The following ACVR2A variants were observed in gnomAD, a reference collection of about 807,000 sequenced individuals.
The protein encoded by ACVR2A is activin A receptor type 2A, also known as activin receptor type-2A.
Under a neutral mutation model 61.4 loss-of-function variants are expected in ACVR2A, and 7 were observed. The observed-to-expected ratio is 0.11, with a 90% CI of 0.06 to 0.21. The LOEUF is 0.21. Among genes scored for constraint, ACVR2A ranks in the 10% least tolerant of loss-of-function variants. The pLI is 1.00. For missense variants in ACVR2A, 322 were observed against 621.7 expected, an observed-to-expected ratio of 0.52 and a Z score of 5.13; for synonymous variants, 193 against 208.3, an observed-to-expected ratio of 0.93 and a Z score of 0.63.
intron 4 of ACVR2A, among the ~76,000 whole-genome samples, chr2:147,903,208 AT>A (rs1686911298): frequency 6.6e-6 from 1 of 151,218 alleles, no homozygotes; most frequent in Non-Finnish European, 1.5e-5. Context: ...TCTAGAATAA[AT>A]TTAGCACAGT....
At chr2:147,863,462 A>G (rs1685776143) in intron 1 of ACVR2A, among the ~76,000 whole-genome samples, 1 of 152,230 alleles carries the variant, frequency 6.6e-6, no homozygotes, top group Non-Finnish European at 1.5e-5. Context: ...GAAGTTAACT[A>G]ATAATACCCT....
chr2:147,845,855 A>G (rs968537287), intron 1 of ACVR2A, among the ~76,000 whole-genome samples: 6 of 152,188 alleles, frequency 3.9e-5, no homozygotes, highest in Admixed American at 6.5e-5. Flanking sequence ...CTGGCGTTCA[A>G]CCACCATTTG....
intron 1 of ACVR2A, among the ~76,000 whole-genome samples, chr2:147,858,876 C>T (rs1036824939): frequency 1.3e-5 from 2 of 151,952 alleles, no homozygotes; most frequent in Non-Finnish European, 2.9e-5. Context: ...TCATGTGTCA[C>T]AGAGTATTAT....
At chr2:147,851,814 A>G (rs558923998) in intron 1 of ACVR2A, among the ~76,000 whole-genome samples, 1 of 152,142 alleles carries the variant, frequency 6.6e-6, no homozygotes, top group South Asian at 2.1e-4. Flanking sequence ...CTTTATCCAC[A>G]CACCCATTCC....
chr2:147,861,682 C>G (rs1293526421), intron 1 of ACVR2A, among the ~76,000 whole-genome samples: 3 of 151,806 alleles, frequency 2.0e-5, no homozygotes. Flanking sequence ...TATTTGAAAT[C>G]CGAAAAAAAA....
In ACVR2A at chr2:147,920,217, T is replaced by C. The variant is rs1687346769; in HGVS notation, c.963-13T>C. On this transcript the variant is annotated splice_polypyrimidine_tract_variant and intron_variant, in intron 7 of 10. Coordinates refer to ENST00000241416, the MANE Select transcript of ACVR2A (RefSeq NM_001616.5). ...AGTTTAAACTTAATTTGAATACTCT[T>C]TTTATTTGCAAGGGACATCAAAAGT... The C allele has an allele frequency of 6.3e-7, 1 of 1,590,778 alleles. No homozygotes were observed. Among genetic ancestry groups the C allele is most frequent in the Non-Finnish European group, 8.6e-7 (1 of 1,161,134 alleles).
At position 147,905,234 on chromosome 2, in the gene ACVR2A, A is replaced by G. The variant is rs541051202; in HGVS notation, c.528+5336A>G. 6.3e-4 allele frequency among the ~76,000 whole-genome samples: 96 copies of G among 152,188 alleles called. 2 individuals carry two copies. Among genetic ancestry groups the G allele is most frequent in the Admixed American group, 8.5e-4 (13 of 15,268 alleles). Reference sequence around the variant, plus strand: ...ATATGTTTTCTTTTTTATAAACTATAAACTATTCCACAACTGGCTTATTTT... The same window carrying G: ...ATATGTTTTCTTTTTTATAAACTATGAACTATTCCACAACTGGCTTATTTT... On this transcript the variant is annotated intron_variant, in intron 4 of 10. Coordinates refer to ENST00000241416, the MANE Select transcript of ACVR2A (RefSeq NM_001616.5).
chr2:147,865,380 A>T (rs796595493), intron 1 of ACVR2A, among the ~76,000 whole-genome samples: 3 of 152,296 alleles, frequency 2.0e-5, no homozygotes, highest in African/African-American at 7.2e-5. Flanking sequence ...AGGATTTTTT[A>T]GTAGCCTAAT....
chr2:147,882,614 A>T (rs1004630686), intron 1 of ACVR2A, among the ~76,000 whole-genome samples: 1 of 152,184 alleles, frequency 6.6e-6, no homozygotes, highest in African/African-American at 2.4e-5. Flanking sequence ...TTGACTTCCA[A>T]GTATTTTTAC....
intron 1 of ACVR2A, among the ~76,000 whole-genome samples, chr2:147,883,116 G>A (rs994556615): frequency 1.3e-5 from 2 of 152,180 alleles, no homozygotes; most frequent in Admixed American, 6.5e-5. Context: ...ACTGCCTCTA[G>A]GATGTGTATC....
At chr2:147,865,699 T>TA (rs1316784811) in intron 1 of ACVR2A, among the ~76,000 whole-genome samples, 1 of 152,232 alleles carries the variant, frequency 6.6e-6, no homozygotes, top group Non-Finnish European at 1.5e-5. Flanking sequence ...GCTCCAAACT[T>TA]ATTTATTAGT....
At chr2:147,891,490 A>T (rs1422147385) in intron 1 of ACVR2A, among the ~76,000 whole-genome samples, 1 of 151,912 alleles carries the variant, frequency 6.6e-6, no homozygotes, top group Non-Finnish European at 1.5e-5. Context: ...GGAGCTAAGA[A>T]TGATTTTTAT....
chr2:147,852,133 G>A (rs1685465425), intron 1 of ACVR2A, among the ~76,000 whole-genome samples: 1 of 151,934 alleles, frequency 6.6e-6, no homozygotes, highest in African/African-American at 2.4e-5. Context: ...ATTTAGAGGG[G>A]ATCTTAGGTA....
chr2:147,885,837 A>G (rs1686417962), intron 1 of ACVR2A, among the ~76,000 whole-genome samples: 1 of 152,160 alleles, frequency 6.6e-6, no homozygotes, highest in South Asian at 2.1e-4. Flanking sequence ...ATAAAAGTAT[A>G]TATTGGACTG....
intron 1 of ACVR2A, among the ~76,000 whole-genome samples, chr2:147,850,217 T>C (rs1685410624): frequency 6.6e-6 from 1 of 152,124 alleles, no homozygotes; most frequent in African/African-American, 2.4e-5. Flanking sequence ...TACTTCCTTA[T>C]ACTGCTTGCT....
intron 1 of ACVR2A, among the ~76,000 whole-genome samples, chr2:147,890,533 C>T (rs763990478): frequency 6.6e-6 from 1 of 152,126 alleles, no homozygotes; most frequent in Non-Finnish European, 1.5e-5. Context: ...AGAGGGGATT[C>T]TGATGCACAT....
At chr2:147,844,608 TGCCGCCCGCCGCCCCTTCCCCGCGCCGCA>T, upstream of ACVR2A, 2 of 152,400 alleles carry the variant, frequency 1.3e-5, no homozygotes, top group Non-Finnish European at 2.8e-5. Flanking sequence ...CCGCCGCCGC[TGCCGCCCGCCGCCCCTTCCCCGCGCCGCA>T]GCCGCCTCGC....
intron 1 of ACVR2A, among the ~76,000 whole-genome samples, chr2:147,849,003 A>G (rs1685386136): frequency 1.3e-5 from 2 of 152,184 alleles, no homozygotes; most frequent in South Asian, 2.1e-4. Context: ...AAATTAGAAT[A>G]TGATTAAATT....
rs1349078702 is a variant in ACVR2A at position 147,870,326 on chromosome 2, T to TA, written c.55+25125dup. Among the ~76,000 whole-genome samples the TA allele has an allele frequency of 2.0e-4, 30 of 152,298 alleles. No individual in the cohort carries two copies. In the East Asian group the frequency reaches 3.3e-3, roughly 17 times the overall value. ...TTGATCATCTTTGTTATTAATTTAA[T>TA]AAAAAATGCTACTTATAATCTGAAA... On this transcript the variant is annotated intron_variant, in intron 1 of 10. Coordinates refer to ENST00000241416, the MANE Select transcript of ACVR2A (RefSeq NM_001616.5).
Sources: gnomAD v4.1 joint callset for allele counts (sites outside exome capture counted in the v4.1 genomes callset) on GRCh38, gnomAD v4.1.1 for gene constraint, MANE v1.5 for transcripts, NCBI Gene and HGNC (gene_info 2026-07-23, HGNC 2026-07-21) for gene names.